The following MKLN1 variants were observed in gnomAD, a reference collection of about 807,000 sequenced individuals.
MKLN1 encodes the protein muskelin.
MKLN1 carries 18 observed loss-of-function variants against 99.0 expected under a neutral mutation model. The ratio of observed to expected loss-of-function variants is 0.18; its 90% CI spans 0.13 to 0.27. The LOEUF (loss-of-function observed/expected upper bound fraction) is 0.27. Among genes scored for constraint, MKLN1 ranks in the 10% least tolerant of loss-of-function variants. The probability of loss-of-function intolerance (pLI) is 1.00; values close to 1 mark genes in which losing one functional copy is unlikely to be tolerated. For synonymous variants in MKLN1, 288 were observed against 293.2 expected (o/e 0.98, Z 0.18); for missense variants, 621 against 875.9 (o/e 0.71, Z 3.67).
At chr7:131,188,933 T>C (rs534353632) in intron 2 of MKLN1, among the ~76,000 whole-genome samples, 1 of 152,326 alleles carries the variant, frequency 6.6e-6, no homozygotes, top group Non-Finnish European at 1.5e-5. Flanking sequence ...AGGACCACTA[T>C]CTTCTAGCTA....
At chr7:131,246,326 C>G (rs1476524104) in intron 3 of MKLN1, among the ~76,000 whole-genome samples, 1 of 152,102 alleles carries the variant, frequency 6.6e-6, no homozygotes, top group Admixed American at 6.5e-5. Context: ...GTCTTCACCC[C>G]CAGCCAGGGG....
At chr7:131,221,124 T>A (rs182565063) in intron 3 of MKLN1, among the ~76,000 whole-genome samples, 1 of 152,238 alleles carries the variant, frequency 6.6e-6, no homozygotes, top group African/African-American at 2.4e-5. Context: ...TAGCTTTTCC[T>A]TGTGTTCTGT....
At chr7:131,363,759 G>GAA (rs567497021) in intron 1 of MKLN1, among the ~76,000 whole-genome samples, 1 of 139,412 alleles carries the variant, frequency 7.2e-6, no homozygotes, top group East Asian at 2.0e-4. Context: ...CCATCCCTGG[G>GAA]AAAAAAAAAA....
At chr7:131,337,352 T>G (rs1173659583) in intron 1 of MKLN1, among the ~76,000 whole-genome samples, 2 of 152,168 alleles carry the variant, frequency 1.3e-5, no homozygotes, top group African/African-American at 2.4e-5. Flanking sequence ...TTTATTATAC[T>G]TTTTATCCCC....
intron 1 of MKLN1, among the ~76,000 whole-genome samples, chr7:131,345,727 A>T (rs1799540817): frequency 1.3e-5 from 2 of 152,138 alleles, no homozygotes; most frequent in South Asian, 4.1e-4. Context: ...AAAAAAATTT[A>T]AAAATAAGTA....
chr7:131,425,205 C>G (rs1455500821), intron 8 of MKLN1, among the ~76,000 whole-genome samples: 1 of 152,166 alleles, frequency 6.6e-6, no homozygotes, highest in East Asian at 1.9e-4. Context: ...ATCTGCCTGA[C>G]TAGAGTACAT....
At chr7:131,219,557 T>G (rs181660011) in intron 3 of MKLN1, among the ~76,000 whole-genome samples, 29 of 152,166 alleles carry the variant, frequency 1.9e-4, no homozygotes, top group Admixed American at 5.9e-4. Flanking sequence ...AGATAGATAC[T>G]GTTTCTACTT....
chr7:131,171,709 C>T lies in MKLN1; in HGVS notation c.-297+28768C>T, dbSNP rs372992423. Among the ~76,000 whole-genome samples, 70 of 152,278 alleles carry T rather than the reference C, an allele frequency of 4.6e-4. 1 individual carries two copies. Among genetic ancestry groups the T allele is most frequent in the African/African-American group, 1.3e-3 (53 of 41,556 alleles). On this transcript the variant is annotated intron_variant, in intron 2 of 7. Transcript: ENST00000416992. ...CTGACCTCAGGTGATCCACCCACCT[C>T]GGCCTCCCAAAGTGCTGGGATTACA...
chr7:131,312,964 C>T (rs1036440598), intron 3 of MKLN1, among the ~76,000 whole-genome samples: 1 of 152,164 alleles, frequency 6.6e-6, no homozygotes, highest in African/African-American at 2.4e-5. Context: ...GGCCACTTGT[C>T]TAGTCCTCAG....
intron 8 of MKLN1, among the ~76,000 whole-genome samples, chr7:131,416,657 T>A (rs1380707782): frequency 6.6e-6 from 1 of 151,888 alleles, no homozygotes; most frequent in Non-Finnish European, 1.5e-5. Context: ...GTCTTGATGG[T>A]CAGGGTCCTT....
chr7:131,434,775 C>A (rs1168179382), intron 9 of MKLN1, among the ~76,000 whole-genome samples: 3 of 152,128 alleles, frequency 2.0e-5, no homozygotes, highest in African/African-American at 7.2e-5. Flanking sequence ...GCAGAGGAGT[C>A]TTGAACTCCT....
chr7:131,201,536 T>G (rs1796728019), intron 2 of MKLN1, among the ~76,000 whole-genome samples: 1 of 152,230 alleles, frequency 6.6e-6, no homozygotes, highest in Non-Finnish European at 1.5e-5. Flanking sequence ...GGTAAACTCA[T>G]AAAATGAATA....
chr7:131,463,064 G>C (rs1461036766), intron 12 of MKLN1, among the ~76,000 whole-genome samples, 153 bp from the exon 13 acceptor site: 1 of 152,158 alleles, frequency 6.6e-6, no homozygotes, highest in Non-Finnish European at 1.5e-5. Flanking sequence ...CTAGGCTGCA[G>C]TGAGTCATGG....
At chr7:131,402,978 A>G (rs1794592833) in intron 6 of MKLN1, among the ~76,000 whole-genome samples, 1 of 152,166 alleles carries the variant, frequency 6.6e-6, no homozygotes. Context: ...CACTAGCTGC[A>G]TTAAACCCTT....
chr7:131,216,257 C>T (rs1796979568), intron 3 of MKLN1, among the ~76,000 whole-genome samples: 1 of 151,594 alleles, frequency 6.6e-6, no homozygotes, highest in African/African-American at 2.4e-5. Flanking sequence ...AAAAACTGTA[C>T]TGAAAATACA....
intron 15 of MKLN1, among the ~76,000 whole-genome samples, chr7:131,470,172 G>GT (rs770461295): frequency 5.9e-4 from 90 of 151,560 alleles, no homozygotes; most frequent in South Asian, 2.1e-3. Flanking sequence ...CTGTTTTTTT[G>GT]TTTTTTTTGT....
At chr7:131,349,553 T>C (rs1799659591) in intron 1 of MKLN1, among the ~76,000 whole-genome samples, 1 of 152,228 alleles carries the variant, frequency 6.6e-6, no homozygotes, top group Non-Finnish European at 1.5e-5. Flanking sequence ...TTGAAGAATG[T>C]GTGTACTAAG....
At chr7:131,166,247 G>A (rs1796122612) in intron 2 of MKLN1, among the ~76,000 whole-genome samples, 1 of 152,182 alleles carries the variant, frequency 6.6e-6, no homozygotes, top group South Asian at 2.1e-4. Context: ...ATGGTTTTGA[G>A]CATTGGTGAG....
intron 3 of MKLN1, among the ~76,000 whole-genome samples, chr7:131,318,712 CAAAG>C (rs1171293139): frequency 6.6e-6 from 1 of 151,102 alleles, no homozygotes; most frequent in South Asian, 2.1e-4. Context: ...GCTAGACTAA[CAAAG>C]AAGAGACAAG....
Sources: gnomAD v4.1 joint callset for allele counts (sites outside exome capture counted in the v4.1 genomes callset) on GRCh38, gnomAD v4.1.1 for gene constraint, MANE v1.5 for transcripts, NCBI Gene and HGNC (gene_info 2026-07-23, HGNC 2026-07-21) for gene names.